Variants in MRPL4 observed in about 807,000 individuals in gnomAD.
MRPL4 encodes mitochondrial ribosomal protein L4.
MRPL4 carries 34 observed loss-of-function variants against 34.1 expected under a neutral mutation model. That is an observed-to-expected ratio of 1.00 (90% CI 0.76 to 1.33). The LOEUF (loss-of-function observed/expected upper bound fraction) is 1.33. Ranked by LOEUF, MRPL4 falls within the 40% of genes most tolerant of loss-of-function variation. MRPL4 has a pLI of 0.00. For synonymous variants in MRPL4, 196 were observed against 188.3 expected, an observed-to-expected ratio of 1.04 and a Z score of -0.33; for missense variants, 402 against 434.6, an observed-to-expected ratio of 0.92 and a Z score of 0.67.
At position 10,252,683 on chromosome 19, in the gene MRPL4, T is replaced by A. The variant is rs769993833; in HGVS notation, c.257T>A (p.Val86Asp). The A allele has an allele frequency of 6.9e-6, 11 of 1,603,720 alleles. No individual in the cohort carries two copies. Among genetic ancestry groups the A allele is most frequent in the Non-Finnish European group, 8.5e-6 (10 of 1,179,610 alleles). Residue 86 changes from valine (V) to aspartate (D), a missense_variant, in exon 3 of 9, where the codon GTT (valine) becomes GAT (aspartate). Coordinates refer to ENST00000253099, the MANE Select transcript of MRPL4 (RefSeq NM_015956.3). ...GGCCTGGCCGACCTGCACCCCGATGTTTTCGCCACCGCGCCCAGGTGAGCG... is the reference window on the plus strand; with the variant it reads ...GGCCTGGCCGACCTGCACCCCGATGATTTCGCCACCGCGCCCAGGTGAGCG... ...RVGLADLHPD[V>D]FATAPRLDIL...
chr19:10,259,224 C>A (rs1371582389), intron 8 of MRPL4: 1 of 1,326,130 alleles, frequency 7.5e-7, no homozygotes, highest in South Asian at 2.3e-5. Context: ...AACCCACGCC[C>A]CTCGCTGGCT....
At position 10,258,724 on chromosome 19, in the gene MRPL4, A is replaced by C. The variant is rs757177508; in HGVS notation, c.739+39A>C. ...CCAGGCCCCTAGAGTGCGCATGTGC[A>C]GGCTCCGCTGTTAGAATCACAGCGG... On this transcript the variant is annotated intron_variant, in intron 8 of 8. Coordinates refer to ENST00000253099, the MANE Select transcript of MRPL4 (RefSeq NM_015956.3). The C allele has an allele frequency of 6.8e-6, 11 of 1,614,028 alleles. No homozygotes were observed. The South Asian group carries it at 1.2e-4, about 18-fold the overall frequency.
chr19:10,252,848 C>G (rs563970479), intron 3 of MRPL4, 147 bp downstream of exon 3: 11 of 1,145,142 alleles, frequency 9.6e-6, no homozygotes, highest in African/African-American at 6.2e-5. Flanking sequence ...GGAATGATGA[C>G]AGTTTCCCCT....
chr19:10,256,865 G>GCCCCTCT, intron 5 of MRPL4, 40 bp downstream of exon 5: 1 of 842,938 alleles, frequency 1.2e-6, no homozygotes, highest in Non-Finnish European at 1.8e-6. Context: ...GGGGTGGGGG[G>GCCCCTCT]GCCAGGGAAG....
upstream of MRPL4, chr19:10,252,146 C>T: frequency 7.4e-7 from 1 of 1,352,776 alleles, no homozygotes; most frequent in Non-Finnish European, 9.9e-7. Flanking sequence ...CGCTTTCCAG[C>T]GCGGAGTCGC....
intron 4 of MRPL4, among the ~76,000 whole-genome samples, chr19:10,256,155 G>A (rs1367808519): frequency 1.3e-5 from 2 of 152,094 alleles, no homozygotes; most frequent in African/African-American, 2.4e-5. Flanking sequence ...GTGTGGCAGC[G>A]GGCGCCTGTA....
Position 10,256,827 on chromosome 19 carries a change from TA to T in MRPL4, c.445+4del. On this transcript the variant is annotated splice_donor_region_variant and intron_variant, in intron 5 of 8. Transcript: ENST00000253099. ...TCCGCTCTCCGCTCTGGCGAGGAGG[TA>T]ACAGGACAGGGTGGAGGGGGCGGGG... 2.2e-6 allele frequency: 1 copy of T among 463,268 alleles called. No individual in the cohort carries two copies. Among genetic ancestry groups the T allele is most frequent in the South Asian group, 2.7e-5 (1 of 36,660 alleles). 28.7% of individuals were successfully genotyped at this position (463,268 alleles called of 1,614,324 possible).
chr19:10,255,808 T>C (rs553911319), intron 4 of MRPL4: 1 of 152,628 alleles, frequency 6.6e-6, no homozygotes, highest in African/African-American at 2.4e-5. Flanking sequence ...GTCTGTGTCA[T>C]TTCCCATGGC....
At chr19:10,253,598 C>T (rs1221039581) in intron 3 of MRPL4, among the ~76,000 whole-genome samples, 3 of 151,928 alleles carry the variant, frequency 2.0e-5, no homozygotes, top group Non-Finnish European at 4.4e-5. Flanking sequence ...GCAGACCAGC[C>T]TGGCCAACAT....
chr19:10,253,293 G>T (rs1016379986), intron 3 of MRPL4, among the ~76,000 whole-genome samples: 7 of 151,342 alleles, frequency 4.6e-5, no homozygotes, highest in Non-Finnish European at 7.4e-5. Flanking sequence ...TGGCTAACAT[G>T]GTGAAACCCC....
intron 3 of MRPL4, among the ~76,000 whole-genome samples, chr19:10,253,904 G>A (rs1197400475): frequency 6.6e-6 from 1 of 152,194 alleles, no homozygotes; most frequent in African/African-American, 2.4e-5. Flanking sequence ...TGTTGAGTAT[G>A]TGACTGTATG....
chr19:10,258,355 C>T (rs1380075360), intron 6 of MRPL4, 27 bp downstream of exon 6: 2 of 1,613,616 alleles, frequency 1.2e-6, no homozygotes, highest in East Asian at 4.5e-5. Flanking sequence ...GCCCAGACAG[C>T]TGCTAGAGGT....
upstream of MRPL4, chr19:10,252,186 G>A: frequency 6.7e-7 from 1 of 1,485,220 alleles, no homozygotes; most frequent in Non-Finnish European, 9.0e-7. Context: ...CGTGCGTGAC[G>A]TCATCCAGCG....
At position 10,252,402 on chromosome 19, in the gene MRPL4, G is replaced by A; in HGVS notation, c.63G>A (p.Leu21=). The part of the protein sequence containing the change: ...AWLRPTGSQG[L]SSLAEEAARA... ...CTTTCGCCCAACCCTTGCAGGGCCT[G>A]AGTTCCCTGGCGGAAGAGGCAGCGC... is the stretch of plus-strand genomic sequence containing the variant. Residue 21 remains leucine, a synonymous_variant, in exon 2 of 9, where the codon CTG becomes CTA. Coordinates refer to ENST00000253099, the MANE Select transcript of MRPL4 (RefSeq NM_015956.3). 6.2e-7 allele frequency: 1 copy of A among 1,614,110 alleles called. No homozygotes were observed. The highest frequency in any genetic ancestry group is 8.5e-7 in the Non-Finnish European group (1 of 1,179,982).
upstream of MRPL4, chr19:10,252,133 C>G (rs974502958): frequency 1.0e-5 from 13 of 1,287,408 alleles, no homozygotes; most frequent in African/African-American, 2.0e-4. Flanking sequence ...GTTTTGCACA[C>G]CCCGCTTTCC....
At chr19:10,253,005 T>A (rs1369307419) in intron 3 of MRPL4, 2 of 385,130 alleles carry the variant, frequency 5.2e-6, no homozygotes, top group African/African-American at 4.0e-5. Flanking sequence ...GGTCGGGAGG[T>A]TGCTGTGATG....
intron 6 of MRPL4, 32 bp downstream of exon 6, chr19:10,258,360 A>G: frequency 6.2e-7 from 1 of 1,613,766 alleles, no homozygotes; most frequent in African/African-American, 1.3e-5. Context: ...GACAGCTGCT[A>G]GAGGTGGGGC....
At chr19:10,258,546 G>C in intron 7 of MRPL4, 24 bp downstream of exon 7, 2 of 1,614,114 alleles carry the variant, frequency 1.2e-6, no homozygotes, top group Non-Finnish European at 1.7e-6. Context: ...GCAGAGCAGG[G>C]GCAGGGGGCC....
intron 5 of MRPL4, among the ~76,000 whole-genome samples, chr19:10,257,821 C>G (rs1264340108): frequency 1.3e-5 from 2 of 152,032 alleles, no homozygotes; most frequent in Admixed American, 1.3e-4. Flanking sequence ...GGGGCAGGAA[C>G]TGTCCGATCT....
Sources: allele counts gnomAD v4.1 joint callset (sites outside exome capture counted in the v4.1 genomes callset), GRCh38; gene constraint gnomAD v4.1.1; transcripts MANE v1.5; gene names NCBI Gene and HGNC (gene_info 2026-07-23, HGNC 2026-07-21).